Variants in CNTNAP2 observed in about 807,000 individuals in gnomAD.
CNTNAP2 encodes the protein contactin-associated protein-like 2.
Under a neutral mutation model 155.2 loss-of-function variants are expected in CNTNAP2, and 98 were observed. That is an observed-to-expected ratio of 0.63 (90% confidence interval 0.54 to 0.75). The LOEUF is 0.75. Ranked by LOEUF, CNTNAP2 falls within the 30% of genes least tolerant of loss-of-function variation. CNTNAP2 has a pLI of 0.00. For synonymous variants in CNTNAP2, 651 were observed against 631.2 expected (o/e 1.03, Z -0.47); for missense variants, 1,727 against 1,688.1 (o/e 1.02, Z -0.40).
chr7:147,028,824 C>T (rs1426823930), intron 3 of CNTNAP2, among the ~76,000 whole-genome samples: 1 of 151,996 alleles, frequency 6.6e-6, no homozygotes, highest in Non-Finnish European at 1.5e-5. Context: ...GACAAAAAAG[C>T]AGATGATGTC....
At chr7:148,074,759 T>G (rs1803452512) in intron 15 of CNTNAP2, among the ~76,000 whole-genome samples, 1 of 152,080 alleles carries the variant, frequency 6.6e-6, no homozygotes, top group Admixed American at 6.6e-5. Context: ...TTTCTCCAAG[T>G]TTTCTTCTGA....
rs28485508 is a variant in CNTNAP2, at chr7:147,077,921, A to G, written c.551-30226A>G. 1.2e-3 allele frequency among the ~76,000 whole-genome samples: 187 copies of G among 152,304 alleles called. 1 individual carries two copies. The highest frequency in any genetic ancestry group is 4.3e-3 in the African/African-American group (180 of 41,560). On this transcript the variant is annotated intron_variant, in intron 4 of 23. Coordinates refer to ENST00000361727, the MANE Select transcript of CNTNAP2 (RefSeq NM_014141.6). ...CAGATAAAGAAATAGCTGTAGACAG[A>G]ACATATCACTTTATTCACTCCACAT...
At chr7:146,216,556 C>G (rs1799116709) in intron 1 of CNTNAP2, among the ~76,000 whole-genome samples, 1 of 152,140 alleles carries the variant, frequency 6.6e-6, no homozygotes, top group Non-Finnish European at 1.5e-5. Flanking sequence ...ATCTGTTTCT[C>G]CCACAGGGCT....
intron 1 of CNTNAP2, among the ~76,000 whole-genome samples, chr7:146,756,161 T>C (rs1801992051): frequency 6.6e-6 from 1 of 152,026 alleles, no homozygotes; most frequent in Non-Finnish European, 1.5e-5. Flanking sequence ...TAATTTTGAC[T>C]ACCTACAAAA....
chr7:146,721,266 A>C (rs187317116), intron 1 of CNTNAP2, among the ~76,000 whole-genome samples: 1,546 of 119,922 alleles, frequency 0.013, 60 homozygotes, highest in African/African-American at 0.045. Context: ...TATACTCTCT[A>C]TATATTCTAT....
At chr7:147,775,669 C>T (rs1797573805) in intron 13 of CNTNAP2, among the ~76,000 whole-genome samples, 1 of 151,746 alleles carries the variant, frequency 6.6e-6, no homozygotes, top group South Asian at 2.1e-4. Flanking sequence ...CAGCATGACA[C>T]AGCTGCTCAA....
At chr7:147,199,205 A>AC (rs1175579041) in intron 8 of CNTNAP2, among the ~76,000 whole-genome samples, 3 of 151,774 alleles carry the variant, frequency 2.0e-5, no homozygotes, top group Admixed American at 6.6e-5. Context: ...CAGGTAATGC[A>AC]CCCGCCTTGG....
chr7:148,094,806 T>C lies in CNTNAP2; in HGVS notation c.2384-23312T>C, dbSNP rs570889562. On this transcript the variant is annotated intron_variant, in intron 15 of 23. Coordinates refer to ENST00000361727, the MANE Select transcript of CNTNAP2 (RefSeq NM_014141.6). ...GCAAGCTTCTGGTAGGAAATCTTAATAGTTAAGCACGTTCTGATAGAATTT... is the reference window on the plus strand; with the variant it reads ...GCAAGCTTCTGGTAGGAAATCTTAACAGTTAAGCACGTTCTGATAGAATTT... Among the ~76,000 whole-genome samples, 4 of 152,322 alleles carry C rather than the reference T, an allele frequency of 2.6e-5. No individual in the cohort carries two copies. The South Asian group carries it at 6.2e-4, about 24-fold the overall frequency.
In CNTNAP2 at chr7:148,415,601, G is replaced by A. The variant is rs761292278; in HGVS notation, c.3981G>A (p.Lys1327=). 5 of 1,614,160 alleles carry A rather than the reference G, an allele frequency of 3.1e-6. No individual in the cohort carries two copies. The highest frequency in any genetic ancestry group is 2.2e-5 in the South Asian group (2 of 91,082). Residue 1327 remains lysine (K), a synonymous_variant, in exon 24 of 24, where the codon AAG becomes AAA. Transcript: ENST00000361727. ...NFTETIDESK[K]EWLI is the part of the protein sequence containing the mutation. ...CAGAGACCATTGATGAAAGCAAAAA[G>A]GAATGGCTCATTTGAGGGGTGGCTA... is the stretch of plus-strand genomic sequence containing the variant.
chr7:146,556,268 C>G (rs1004201900), intron 1 of CNTNAP2, among the ~76,000 whole-genome samples: 3 of 152,006 alleles, frequency 2.0e-5, no homozygotes, highest in African/African-American at 7.2e-5. Context: ...GGCAGCAAAA[C>G]ACCACAGGAA....
intron 20 of CNTNAP2, among the ~76,000 whole-genome samples, chr7:148,239,602 G>A (rs764179077): frequency 1.3e-5 from 2 of 152,028 alleles, no homozygotes; most frequent in Non-Finnish European, 2.9e-5. Flanking sequence ...ATGGCTCCTC[G>A]GCCCCTGAGA....
At chr7:146,773,767 T>G (rs1802338930) in intron 1 of CNTNAP2, among the ~76,000 whole-genome samples, 1 of 152,220 alleles carries the variant, frequency 6.6e-6, no homozygotes, top group Non-Finnish European at 1.5e-5. Flanking sequence ...TCTAGAGGTA[T>G]AATATTTCAC....
chr7:147,108,026 G>C lies in CNTNAP2; in HGVS notation c.551-121G>C, dbSNP rs10240415. 0.034 allele frequency: 28,788 copies of C among 838,840 alleles called. 785 individuals are homozygous for C. Among genetic ancestry groups the C allele is most frequent in the South Asian group, 0.094 (6,041 of 64,556 alleles). 52.0% of individuals were successfully genotyped at this position (838,840 alleles called of 1,614,324 possible). Reference sequence around the variant, plus strand: ...AAGAAGGAATAGAAGAAAAACAGAGGACTGTCAATTTCTCAAGAAAAACAC... The same window carrying C: ...AAGAAGGAATAGAAGAAAAACAGAGCACTGTCAATTTCTCAAGAAAAACAC... On this transcript the variant is annotated intron_variant, in intron 4 of 23. Transcript: ENST00000361727.
intron 3 of CNTNAP2, among the ~76,000 whole-genome samples, chr7:147,030,047 G>C (rs1798999209): frequency 6.6e-6 from 1 of 152,106 alleles, no homozygotes; most frequent in Admixed American, 6.6e-5. Context: ...GTAACCTGAG[G>C]GCAGTATAAT....
intron 1 of CNTNAP2, among the ~76,000 whole-genome samples, chr7:146,754,834 C>T (rs551729346): frequency 7.2e-5 from 11 of 151,948 alleles, no homozygotes; most frequent in African/African-American, 2.6e-4. Context: ...AACCACACAC[C>T]GTATTCTCAA....
chr7:146,214,970 C>T (rs1799091415), intron 1 of CNTNAP2, among the ~76,000 whole-genome samples: 1 of 152,120 alleles, frequency 6.6e-6, no homozygotes, highest in African/African-American at 2.4e-5. Flanking sequence ...CCGAACATAC[C>T]CTGGAACATT....
chr7:147,819,786 G>A lies in CNTNAP2; in HGVS notation c.2099-83779G>A, dbSNP rs1045594074. 3.3e-5 allele frequency among the ~76,000 whole-genome samples: 5 copies of A among 152,154 alleles called. No homozygotes were observed. In the South Asian group the frequency reaches 1.0e-3, roughly 32 times the overall value. Reference sequence around the variant, plus strand: ...TGTTGTGGAATTTTATAGAAATAGAGTAATACAGAATATACTCTTCGAGGT... The same window carrying A: ...TGTTGTGGAATTTTATAGAAATAGAATAATACAGAATATACTCTTCGAGGT... On this transcript the variant is annotated intron_variant, in intron 13 of 23. Transcript: ENST00000361727.
At chr7:147,514,042 T>C (rs545220415) in intron 11 of CNTNAP2, among the ~76,000 whole-genome samples, 4 of 152,232 alleles carry the variant, frequency 2.6e-5, no homozygotes, top group Non-Finnish European at 4.4e-5. Flanking sequence ...ACCATAAATC[T>C]ACTCAAGCAA....
chr7:147,620,152 C>G (rs929431659), intron 12 of CNTNAP2, among the ~76,000 whole-genome samples: 3 of 152,206 alleles, frequency 2.0e-5, no homozygotes, highest in Non-Finnish European at 4.4e-5. Flanking sequence ...GCTGTTACAG[C>G]TTAGATCACA....
Sources: gnomAD v4.1 joint callset for allele counts (sites outside exome capture counted in the v4.1 genomes callset) on GRCh38, gnomAD v4.1.1 for gene constraint, MANE v1.5 for transcripts, NCBI Gene and HGNC (gene_info 2026-07-23, HGNC 2026-07-21) for gene names.